Variants in MYO18B observed in about 807,000 individuals in gnomAD.
MYO18B encodes the protein myosin XVIIIB.
A neutral mutation model predicts 273.0 loss-of-function variants in MYO18B; 204 were observed. The ratio of observed to expected loss-of-function variants is 0.75; its 90% CI spans 0.67 to 0.84. The LOEUF (loss-of-function observed/expected upper bound fraction) is 0.84. Ranked by LOEUF, MYO18B falls within the 40% of genes least tolerant of loss-of-function variation. MYO18B has a pLI of 0.00. For synonymous variants in MYO18B, 1,330 were observed against 1,305.7 expected (o/e 1.02, Z -0.40); for missense variants, 3,212 against 3,287.6 (o/e 0.98, Z 0.56).
rs776230750 is a variant in MYO18B at position 26,026,584 on chromosome 22, C to T, written c.6610C>T (p.His2204Tyr). Residue 2204 changes from histidine (H) to tyrosine (Y), a missense_variant, in exon 43 of 44, where the codon CAT (histidine) becomes TAT (tyrosine). Physicochemically the swap from His to Tyr is moderately conservative, Grantham distance 83. Transcript: ENST00000335473. ...CTTTGTCCGCCGGCAAAAGTACTGT[C>T]ATTTTGGGGACGGCGAAGTGCTTGC... ...PHFVRRQKYC[H>Y]FGDGEVLAVQ... The T allele has an allele frequency of 6.2e-7, 1 of 1,613,910 alleles. No individual in the cohort carries two copies. The highest frequency in any genetic ancestry group is 8.5e-7 in the Non-Finnish European group (1 of 1,179,880).
At chr22:26,052,246 T>A in the MYO18B span, among the ~76,000 whole-genome samples, 1 of 152,134 alleles carries the variant, frequency 6.6e-6, no homozygotes, top group Admixed American at 6.5e-5. Flanking sequence ...AGGCACAGGT[T>A]GGAGGATGGG....
rs1455689516 is a variant in MYO18B, at chr22:25,768,487, A to G, written c.571A>G (p.Lys191Glu). 1 of 1,591,438 alleles carries G rather than the reference A, an allele frequency of 6.3e-7. No homozygotes were observed. Among genetic ancestry groups the G allele is most frequent in the African/African-American group, 1.4e-5 (1 of 73,582 alleles). The change falls in exon 4 of 44, where the codon AAG becomes GAG. Residue 191 changes from lysine (K) to glutamate (E), a missense_variant. By Grantham distance (56) the Lys-to-Glu change is moderately conservative (BLOSUM62 1). Coordinates refer to ENST00000335473, the MANE Select transcript of MYO18B (RefSeq NM_032608.7). ...SPPATDTGKE[K>E]KGETSRTPCG... ...CCCCGCCACAGATACTGGAAAGGAA[A>G]AGAAAGGGGAGACCTCTAGGACTCC...
Position 25,946,208 on chromosome 22 carries a change from C to T in MYO18B, c.5589C>T (p.Ser1863=). 2 of 1,583,608 alleles carry T rather than the reference C, an allele frequency of 1.3e-6. No homozygotes were observed. The highest frequency in any genetic ancestry group is 1.7e-6 in the Non-Finnish European group (2 of 1,166,756). Reference sequence around the variant, plus strand: ...AGGTGCTCACAGCGGACCTGGAGAGCATGCACAGCGAGCTGGAGAACATGA... The same window carrying T: ...AGGTGCTCACAGCGGACCTGGAGAGTATGCACAGCGAGCTGGAGAACATGA... The part of the protein sequence containing the change: ...TQKVLTADLE[S]MHSELENMTR... The change falls in exon 35 of 44, where the codon AGC becomes AGT. Residue 1863 remains serine, a synonymous_variant. Coordinates refer to ENST00000335473, the MANE Select transcript of MYO18B (RefSeq NM_032608.7).
chr22:26,029,775 C>G (rs539524784), intron 43 of MYO18B, among the ~76,000 whole-genome samples: 2 of 152,302 alleles, frequency 1.3e-5, no homozygotes, highest in African/African-American at 4.8e-5. Context: ...GCAAGTGATA[C>G]AGTCTCACCA....
chr22:25,976,642 A>G (rs1001463994), intron 39 of MYO18B, among the ~76,000 whole-genome samples: 1 of 152,054 alleles, frequency 6.6e-6, no homozygotes, highest in Non-Finnish European at 1.5e-5. Context: ...CCTTCACCCT[A>G]TTTCTGAGGG....
intron 28 of MYO18B, 141 bp downstream of exon 28, chr22:25,895,421 CTAT>C: frequency 1.1e-6 from 1 of 948,460 alleles, no homozygotes. Context: ...TCCATCTCCA[CTAT>C]TATTACAAAT....
At chr22:26,031,556 T>G (rs56348825), downstream of MYO18B, among the ~76,000 whole-genome samples, 17,425 of 152,222 alleles carry the variant, frequency 0.11, 1,169 homozygotes, top group African/African-American at 0.19. Context: ...ACCCTGTAAA[T>G]ACCCTACCTT....
At chr22:25,916,844 C>G (rs2092268474) in intron 33 of MYO18B, among the ~76,000 whole-genome samples, 2 of 152,134 alleles carry the variant, frequency 1.3e-5, no homozygotes, top group Admixed American at 1.3e-4. Flanking sequence ...CCAGCCTGAC[C>G]AACATGGTGA....
At chr22:25,979,207 G>A (rs2093124596) in intron 39 of MYO18B, among the ~76,000 whole-genome samples, 1 of 152,148 alleles carries the variant, frequency 6.6e-6, no homozygotes, top group Admixed American at 6.5e-5. Flanking sequence ...GAAGAAATAT[G>A]AGCTGCATTT....
chr22:26,004,998 C>G lies in MYO18B; in HGVS notation c.6470+143C>G. 3.9e-6 allele frequency: 4 copies of G among 1,038,560 alleles called. No individual in the cohort carries two copies. The South Asian group carries it at 4.7e-5, about 12-fold the overall frequency. 64.3% of individuals were successfully genotyped at this position (1,038,560 alleles called of 1,614,324 possible). ...GAAAGTCTGGGGTATAACTCTGCCA[C>G]TTCCTAGCTGTGTGACTTTAGGCAG... On this transcript the variant is annotated intron_variant, in intron 42 of 43. Coordinates refer to ENST00000335473, the MANE Select transcript of MYO18B (RefSeq NM_032608.7).
chr22:25,851,510 A>T lies in MYO18B; in HGVS notation c.3816A>T (p.Gln1272His). The change falls in exon 21 of 44, where the codon CAA becomes CAT. Residue 1272 changes from glutamine to histidine, a missense_variant. Physicochemically the swap from Gln to His is conservative, Grantham distance 24 (BLOSUM62 0). Transcript: ENST00000335473. The stretch of plus-strand genomic sequence containing the variant: ...TGGGGCTCACTCGCTTCCGCCGGCA[A>T]TTCCAGGTGCTGGACGCTCCACTCC... ...DHMGLTRFRRQFQVLDAPLLK... is the reference protein window; with the variant it reads ...DHMGLTRFRRHFQVLDAPLLK... 1.3e-6 allele frequency: 2 copies of T among 1,560,798 alleles called. No individual in the cohort carries two copies. The highest frequency in any genetic ancestry group is 1.7e-6 in the Non-Finnish European group (2 of 1,152,000).
the MYO18B span, among the ~76,000 whole-genome samples, chr22:26,060,362 A>G: frequency 6.6e-6 from 1 of 152,228 alleles, no homozygotes; most frequent in African/African-American, 2.4e-5. Flanking sequence ...ATTTAAGGAA[A>G]TATCAGAGAA....
intron 34 of MYO18B, among the ~76,000 whole-genome samples, chr22:25,922,236 C>T (rs373704229): frequency 1.3e-5 from 2 of 152,124 alleles, no homozygotes; most frequent in South Asian, 2.1e-4. Flanking sequence ...GCTCTACCAT[C>T]CTTGGGCCGA....
intron 11 of MYO18B, among the ~76,000 whole-genome samples, chr22:25,791,705 C>T (rs1020066304): frequency 2.0e-5 from 3 of 152,236 alleles, no homozygotes; most frequent in Admixed American, 1.3e-4. Context: ...GGCCTTGGCC[C>T]GAGGCACATT....
chr22:25,751,233 G>A (rs2085922318), intron 1 of MYO18B, among the ~76,000 whole-genome samples: 3 of 152,210 alleles, frequency 2.0e-5, no homozygotes, highest in African/African-American at 7.2e-5. Context: ...AAATCTCAGA[G>A]TGGAACAGAA....
At chr22:25,815,748 G>A (rs961990539) in intron 12 of MYO18B, among the ~76,000 whole-genome samples, 1 of 152,110 alleles carries the variant, frequency 6.6e-6, no homozygotes, top group Admixed American at 6.6e-5. Context: ...ATACATGTTG[G>A]CATATTCAAG....
intron 40 of MYO18B, among the ~76,000 whole-genome samples, chr22:25,994,800 A>G (rs1933057796): frequency 6.6e-6 from 1 of 152,248 alleles, no homozygotes; most frequent in Non-Finnish European, 1.5e-5. Flanking sequence ...TGGCTTCTCC[A>G]TTCATAGAAA....
intron 42 of MYO18B, among the ~76,000 whole-genome samples, chr22:26,021,370 G>A (rs764674580): frequency 1.3e-5 from 2 of 152,182 alleles, no homozygotes; most frequent in Non-Finnish European, 2.9e-5. Flanking sequence ...AAGCACTGGA[G>A]CATGATTCAT....
chr22:25,875,328 CATAAA>C (rs2091160772), intron 23 of MYO18B, among the ~76,000 whole-genome samples: 1 of 152,238 alleles, frequency 6.6e-6, no homozygotes, highest in Non-Finnish European at 1.5e-5. Flanking sequence ...TCCGTAAATA[CATAAA>C]ATAACATGAT....
Sources: gnomAD v4.1 joint callset for allele counts (sites outside exome capture counted in the v4.1 genomes callset) on GRCh38, gnomAD v4.1.1 for gene constraint, MANE v1.5 for transcripts, NCBI Gene and HGNC (gene_info 2026-07-23, HGNC 2026-07-21) for gene names.